The following PTPN22 variants were observed in gnomAD, a reference collection of about 807,000 sequenced individuals.
PTPN22 encodes tyrosine-protein phosphatase non-receptor type 22.
In PTPN22, 85 loss-of-function variants were observed where a neutral mutation model predicts 103.3. That is an observed-to-expected ratio of 0.82 (90% CI 0.69 to 0.99). The LOEUF is 0.99. Among genes scored for constraint, PTPN22 ranks in the 50% least tolerant of loss-of-function variants. PTPN22 has a pLI of 0.00. For missense variants in PTPN22, 865 were observed against 936.9 expected (o/e 0.92, Z 1.00); for synonymous variants, 323 against 310.2 (o/e 1.04, Z -0.43).
At chr1:113,834,338 C>T (rs770857739) in exon 15 of PTPN22, 1 of 1,613,996 alleles carries the variant, frequency 6.2e-7, no homozygotes, top group East Asian at 2.2e-5. Flanking sequence ...ACAGAGTCAT[C>T]AAATTTCTTT....
chr1:113,825,703 A>ATGT (rs752873236), intron 18 of PTPN22, among the ~76,000 whole-genome samples: 3,723 of 151,114 alleles, frequency 0.025, 52 homozygotes, highest in African/African-American at 0.026. Flanking sequence ...AGATTAATAA[A>ATGT]TGTTGTTGTT....
intron 1 of PTPN22, among the ~76,000 whole-genome samples, chr1:113,869,179 G>A (rs529426648): frequency 2.1e-4 from 32 of 152,272 alleles, no homozygotes; most frequent in African/African-American, 7.5e-4. Context: ...TGGTGTCATT[G>A]CATTCCAGCC....
chr1:113,821,765 A>T (rs886777993), intron 19 of PTPN22, among the ~76,000 whole-genome samples: 2 of 152,228 alleles, frequency 1.3e-5, no homozygotes, highest in African/African-American at 4.8e-5. Context: ...TAGATTAAGG[A>T]AATGACCTAT....
chr1:113,856,344 A>G (rs779980983), intron 7 of PTPN22, 38 bp downstream of exon 7: 83 of 1,529,846 alleles, frequency 5.4e-5, no homozygotes, highest in Non-Finnish European at 4.4e-6. Context: ...CCTGATCTCT[A>G]TAGGCTTTTG....
intron 13 of PTPN22, among the ~76,000 whole-genome samples, chr1:113,836,450 T>C (rs1663026259): frequency 6.6e-6 from 1 of 152,262 alleles, no homozygotes; most frequent in African/African-American, 2.4e-5. Flanking sequence ...TATTGTCATC[T>C]ACGAGATTAC....
chr1:113,865,923 A>G (rs1262517391), intron 1 of PTPN22, among the ~76,000 whole-genome samples: 1 of 152,238 alleles, frequency 6.6e-6, no homozygotes, highest in Non-Finnish European at 1.5e-5. Flanking sequence ...AAGGTCACAT[A>G]GCTAATCATG....
chr1:113,852,132 T>C (rs772001484), intron 9 of PTPN22, 28 bp from the exon 10 acceptor site: 1 of 1,499,754 alleles, frequency 6.7e-7, no homozygotes, highest in Admixed American at 1.7e-5. Context: ...AAAATATTCC[T>C]TTCAATATTT....
At chr1:113,858,567 A>G in exon 4 of PTPN22, 1 of 1,576,930 alleles carries the variant, frequency 6.3e-7, no homozygotes, top group Non-Finnish European at 8.7e-7. Context: ...TTGGGTCCAT[A>G]AACTCCCTAA....
chr1:113,855,192 T>C (rs956195978), intron 7 of PTPN22, 143 bp from the exon 8 acceptor site: 4 of 704,864 alleles, frequency 5.7e-6, no homozygotes, highest in Non-Finnish European at 9.2e-6. Context: ...TTGTGTCTTA[T>C]ATTCATAAGA....
intron 19 of PTPN22, 98 bp from the exon 20 acceptor site, chr1:113,819,752 C>A: frequency 4.4e-6 from 3 of 680,288 alleles, no homozygotes; most frequent in South Asian, 7.6e-5. Flanking sequence ...ATTAATAATC[C>A]CAAATAAACA....
At chr1:113,848,583 T>C (rs748949165) in exon 11 of PTPN22, 4 of 1,613,734 alleles carry the variant, frequency 2.5e-6, no homozygotes, top group Non-Finnish European at 3.4e-6. Context: ...CATCTGTCTC[T>C]TAAATAGTTC....
At chr1:113,820,796 C>CTGCATATGCATATTAGGTATGCATATT (rs1661530294) in intron 19 of PTPN22, among the ~76,000 whole-genome samples, 1 of 152,046 alleles carries the variant, frequency 6.6e-6, no homozygotes, top group Non-Finnish European at 1.5e-5. Flanking sequence ...ACTGTGTGAA[C>CTGCATATGCATATTAGGTATGCATATT]TGCATATGCA....
At chr1:113,829,482 A>G in intron 18 of PTPN22, 110 bp downstream of exon 18, 1 of 560,998 alleles carries the variant, frequency 1.8e-6, no homozygotes, top group East Asian at 2.9e-5. Context: ...ATCAACAATT[A>G]GTTTTAATAA....
intron 10 of PTPN22, among the ~76,000 whole-genome samples, chr1:113,849,594 A>AT (rs574631537): frequency 1.3e-3 from 168 of 125,644 alleles, no homozygotes; most frequent in African/African-American, 5.6e-3. Flanking sequence ...TTATTTATTT[A>AT]TTTTTTTTTT....
At chr1:113,844,509 A>C (rs1311418452) in intron 11 of PTPN22, among the ~76,000 whole-genome samples, 1 of 152,176 alleles carries the variant, frequency 6.6e-6, no homozygotes. Flanking sequence ...TATTGTTTCC[A>C]ATTTCATTGA....
intron 1 of PTPN22, among the ~76,000 whole-genome samples, chr1:113,861,640 A>C (rs1665610546): frequency 6.6e-6 from 1 of 151,970 alleles, no homozygotes; most frequent in African/African-American, 2.4e-5. Flanking sequence ...CGGCCTCCCA[A>C]AGTGCTGGGA....
At chr1:113,830,892 C>A (rs1314462364) in intron 16 of PTPN22, among the ~76,000 whole-genome samples, 3 of 152,034 alleles carry the variant, frequency 2.0e-5, no homozygotes, top group African/African-American at 7.2e-5. Flanking sequence ...TGTCATTGGT[C>A]ATTGGGTTTG....
chr1:113,864,197 C>T (rs558390865), intron 1 of PTPN22: 2 of 442,044 alleles, frequency 4.5e-6, no homozygotes, highest in East Asian at 1.5e-4. Context: ...TAAGAACTTA[C>T]AATAGAAGAT....
At chr1:113,861,137 C>CA (rs1377799576) in intron 1 of PTPN22, among the ~76,000 whole-genome samples, 1 of 152,206 alleles carries the variant, frequency 6.6e-6, no homozygotes, top group Non-Finnish European at 1.5e-5. Context: ...CAGAATTATT[C>CA]ATTTGTAATG....
Sources: allele counts gnomAD v4.1 joint callset (sites outside exome capture counted in the v4.1 genomes callset), GRCh38; gene constraint gnomAD v4.1.1; transcripts MANE v1.5; gene names NCBI Gene and HGNC (gene_info 2026-07-23, HGNC 2026-07-21).